The following DTNA variants were observed in gnomAD, a reference collection of about 807,000 sequenced individuals.
DTNA encodes dystrophin-related protein 3.
Under a neutral mutation model 100.7 loss-of-function variants are expected in DTNA, and 43 were observed. The observed-to-expected ratio is 0.43, with a 90% CI of 0.33 to 0.55. DTNA has a LOEUF of 0.55. DTNA is among the 20% of genes least tolerant of loss of function. The pLI is 0.04. For missense variants in DTNA, 798 were observed against 953.9 expected (o/e 0.84, Z 2.15); for synonymous variants, 349 against 347.9 (o/e 1.00, Z -0.04).
At chr18:34,674,362 A>G (rs1287207350) in intron 1 of DTNA, among the ~76,000 whole-genome samples, 1 of 152,230 alleles carries the variant, frequency 6.6e-6, no homozygotes, top group African/African-American at 2.4e-5. Flanking sequence ...CCTGCCTCTC[A>G]TACTGTGCTG....
intron 1 of DTNA, among the ~76,000 whole-genome samples, chr18:34,500,266 A>T (rs1276200595): frequency 2.6e-5 from 4 of 152,004 alleles, no homozygotes; most frequent in Non-Finnish European, 5.9e-5. Context: ...TCTGGTACAT[A>T]TATTACTAGA....
intron 1 of DTNA, among the ~76,000 whole-genome samples, chr18:34,660,835 T>G (rs2075082655): frequency 6.6e-6 from 1 of 152,120 alleles, no homozygotes; most frequent in African/African-American, 2.4e-5. Context: ...CGCTTTGAGT[T>G]GTGCCACCTT....
chr18:34,847,384 A>G (rs1306175057), intron 13 of DTNA, among the ~76,000 whole-genome samples: 3 of 152,220 alleles, frequency 2.0e-5, no homozygotes, highest in Non-Finnish European at 2.9e-5. Flanking sequence ...TAGTAATATT[A>G]TAGATGAGAC....
intron 13 of DTNA, among the ~76,000 whole-genome samples, chr18:34,845,338 A>T (rs1292234213): frequency 6.6e-6 from 1 of 152,182 alleles, no homozygotes; most frequent in South Asian, 2.1e-4. Context: ...TGCTATACAG[A>T]ATCCTATATC....
intron 1 of DTNA, among the ~76,000 whole-genome samples, chr18:34,615,136 G>T (rs1390703364): frequency 3.3e-5 from 5 of 152,188 alleles, no homozygotes; most frequent in African/African-American, 1.2e-4. Flanking sequence ...TTCTGGGGAG[G>T]CCTCAGGGAG....
At chr18:34,731,573 GA>G (rs1235280467) in intron 1 of DTNA, among the ~76,000 whole-genome samples, 4 of 152,182 alleles carry the variant, frequency 2.6e-5, no homozygotes, top group Non-Finnish European at 5.9e-5. Flanking sequence ...AGTGCATAAT[GA>G]AGAAATGATG....
intron 22 of DTNA, 122 bp from the exon 23 acceptor site, chr18:34,887,628 AGTGTGTGTGTGCATGT>A: frequency 1.8e-6 from 1 of 567,952 alleles, no homozygotes; most frequent in Non-Finnish European, 2.2e-6. Flanking sequence ...GTAGGAAAGG[AGTGTGTGTGTGCATGT>A]GTGTGTGTGT....
chr18:34,814,986 G>A (rs936843696), intron 6 of DTNA, among the ~76,000 whole-genome samples: 32 of 152,006 alleles, frequency 2.1e-4, no homozygotes, highest in African/African-American at 7.2e-4. Flanking sequence ...TAATGAATTG[G>A]CTATTAACAG....
At position 34,875,360 on chromosome 18, in the gene DTNA, C is replaced by T. The variant is rs1276764491; in HGVS notation, c.1865C>T (p.Thr622Ile). ...ACGCACACGCCGCAGGACTCCCTCA[C>T]AGGAGTAGGGGGAGATGTACAAGAG... ...TPTHTPQDSLTGVGGDVQEAF... is the reference protein window; with the variant it reads ...TPTHTPQDSLIGVGGDVQEAF... The change falls in exon 18 of 23, where the codon ACA (threonine) becomes ATA (isoleucine). Residue 622 changes from threonine to isoleucine, a missense_variant. Transcript: ENST00000444659. The T allele has an allele frequency of 6.2e-7, 1 of 1,614,194 alleles. No individual in the cohort carries two copies. The highest frequency in any genetic ancestry group is 1.7e-5 in the Admixed American group (1 of 60,030).
chr18:34,513,826 A>G (rs2041327131), intron 1 of DTNA: 1 of 152,186 alleles, frequency 6.6e-6, no homozygotes, highest in Non-Finnish European at 1.5e-5. Context: ...TCTTGAATCA[A>G]CAACTGCATG....
intron 3 of DTNA, among the ~76,000 whole-genome samples, chr18:34,782,155 A>C (rs917308623): frequency 6.6e-6 from 1 of 152,240 alleles, no homozygotes; most frequent in Non-Finnish European, 1.5e-5. Context: ...GCCCTACTCT[A>C]TTCCATTCAC....
intron 1 of DTNA, among the ~76,000 whole-genome samples, chr18:34,728,365 G>A (rs1188946555): frequency 3.9e-5 from 6 of 152,046 alleles, no homozygotes; most frequent in African/African-American, 1.4e-4. Context: ...CCTGCTGCAG[G>A]TTTGAGAAAT....
chr18:34,838,612 T>C (rs1383245191), intron 12 of DTNA, 133 bp from the exon 13 acceptor site: 3 of 749,004 alleles, frequency 4.0e-6, no homozygotes, highest in Non-Finnish European at 7.3e-6. Flanking sequence ...TCATAGCACA[T>C]CACTTACTAC....
intron 1 of DTNA, among the ~76,000 whole-genome samples, chr18:34,651,428 A>G (rs2060431320): frequency 6.6e-6 from 1 of 152,182 alleles, no homozygotes; most frequent in Non-Finnish European, 1.5e-5. Context: ...CATACCCCAT[A>G]TGCTAGCCAC....
At chr18:34,759,393 T>A (rs1188754429) in intron 2 of DTNA, among the ~76,000 whole-genome samples, 1 of 152,224 alleles carries the variant, frequency 6.6e-6, no homozygotes, top group Non-Finnish European at 1.5e-5. Flanking sequence ...CAACACTCAC[T>A]GCTGTGAACT....
At chr18:34,683,315 CTG>C (rs1233623032) in intron 1 of DTNA, among the ~76,000 whole-genome samples, 2 of 152,190 alleles carry the variant, frequency 1.3e-5, no homozygotes, top group Non-Finnish European at 2.9e-5. Flanking sequence ...TCAATTCACT[CTG>C]TCTCAACAAT....
chr18:34,875,123 T>G (rs2096802045), intron 17 of DTNA, 116 bp from the exon 18 acceptor site: 1 of 1,457,002 alleles, frequency 6.9e-7, no homozygotes, highest in African/African-American at 1.4e-5. Flanking sequence ...TTACCTAGGA[T>G]TTCCTCCTGC....
intron 1 of DTNA, among the ~76,000 whole-genome samples, chr18:34,623,213 C>T (rs922224026): frequency 6.6e-5 from 10 of 151,990 alleles, no homozygotes; most frequent in Admixed American, 5.2e-4. Context: ...GCAGGCTTCA[C>T]CTAAAAAAGG....
rs865874019 is a variant in DTNA at position 34,795,119 on chromosome 18, A to G, written c.362+869A>G. ...TCCACTGCTTGTTTTGAATATTAAA[A>G]AGGAAAATTGCTAACCTGACCTTTC... is the stretch of plus-strand genomic sequence containing the variant. On this transcript the variant is annotated intron_variant, in intron 4 of 22. Transcript: ENST00000444659. Among the ~76,000 whole-genome samples, 7 of 152,296 alleles carry G rather than the reference A, an allele frequency of 4.6e-5. No homozygotes were observed. The South Asian group carries it at 1.2e-3, about 27-fold the overall frequency.
Sources: gnomAD v4.1 joint callset for allele counts (sites outside exome capture counted in the v4.1 genomes callset) on GRCh38, gnomAD v4.1.1 for gene constraint, MANE v1.5 for transcripts, NCBI Gene and HGNC (gene_info 2026-07-23, HGNC 2026-07-21) for gene names.